The following PKP4 variants were observed in gnomAD, a reference collection of about 807,000 sequenced individuals.
PKP4 encodes the protein plakophilin-4.
Under a neutral mutation model 145.1 loss-of-function variants are expected in PKP4, and 90 were observed. The observed-to-expected ratio is 0.62, with a 90% confidence interval of 0.52 to 0.74. PKP4 has a LOEUF of 0.74. Among genes scored for constraint, PKP4 ranks in the 30% least tolerant of loss-of-function variants. The pLI is 0.00. For synonymous variants in PKP4, 563 were observed against 577.2 expected (o/e 0.98, Z 0.35); for missense variants, 1,340 against 1,482.7 (o/e 0.90, Z 1.58).
intron 2 of PKP4, among the ~76,000 whole-genome samples, chr2:158,569,158 G>A (rs1186983148): frequency 6.6e-6 from 1 of 152,188 alleles, no homozygotes; most frequent in Non-Finnish European, 1.5e-5. Context: ...ACAGATGAGA[G>A]CCTGAGTCTT....
At chr2:158,578,093 C>CT (rs1291046063) in intron 3 of PKP4, 1 of 171,044 alleles carries the variant, frequency 5.8e-6, no homozygotes, top group African/African-American at 2.4e-5. Context: ...GTTTGATCTG[C>CT]TTACACTTAG....
chr2:158,616,984 C>A (rs1363914199), intron 4 of PKP4, among the ~76,000 whole-genome samples: 1 of 152,122 alleles, frequency 6.6e-6, no homozygotes, highest in Non-Finnish European at 1.5e-5. Context: ...ACTTTGTATT[C>A]CATCTTTTAC....
At position 158,666,415 on chromosome 2, in the gene PKP4, T is replaced by C; in HGVS notation, c.2580T>C (p.Phe860=). The C allele has an allele frequency of 1.3e-6, 2 of 1,595,778 alleles. No individual in the cohort carries two copies. Among genetic ancestry groups the C allele is most frequent in the African/African-American group, 1.4e-5 (1 of 73,904 alleles). ...TCCTGCCTTATTTTTCTCACTAGTT[T>C]GCAGCATATATCCGGGCGGCCGTCC... ...LQNLSAGNWK[F]AAYIRAAVRK... The change falls in exon 16 of 22, where the codon TTT becomes TTC. Residue 860 remains phenylalanine, a splice_region_variant and synonymous_variant. Coordinates refer to ENST00000389759, the MANE Select transcript of PKP4 (RefSeq NM_003628.6).
chr2:158,599,701 T>C (rs2050064959), intron 3 of PKP4, among the ~76,000 whole-genome samples: 1 of 152,112 alleles, frequency 6.6e-6, no homozygotes, highest in South Asian at 2.1e-4. Context: ...TTAGGAGCTA[T>C]TGGATATCAA....
chr2:158,609,798 A>G (rs998701796), intron 4 of PKP4, among the ~76,000 whole-genome samples: 2 of 152,168 alleles, frequency 1.3e-5, no homozygotes, highest in Non-Finnish European at 2.9e-5. Context: ...CTCTCATTTC[A>G]TTAGATTCAG....
At chr2:158,573,541 T>C (rs932474603) in intron 2 of PKP4, among the ~76,000 whole-genome samples, 6 of 152,134 alleles carry the variant, frequency 3.9e-5, no homozygotes, top group African/African-American at 1.2e-4. Flanking sequence ...TTGCTGTACC[T>C]TGGTCAGATT....
Position 158,625,073 on chromosome 2 carries a change from C to T in PKP4, c.799C>T (p.Pro267Ser). The T allele has an allele frequency of 6.2e-7, 1 of 1,614,206 alleles. No individual in the cohort carries two copies. The highest frequency in any genetic ancestry group is 8.5e-7 in the Non-Finnish European group (1 of 1,180,032). ...CAGTGCATATTCCTCCACCACATTA[C>T]CTGCTGCACGGGCAGCCTCTCCGTA... ...NPSAYSSTTLPAARAASPYSQ... is the reference protein window; with the variant it reads ...NPSAYSSTTLSAARAASPYSQ... The change falls in exon 7 of 22, where the codon CCT (proline) becomes TCT (serine). Residue 267 changes from proline (P) to serine (S), a missense_variant. Physicochemically the swap from Pro to Ser is moderately conservative, Grantham distance 74. Transcript: ENST00000389759.
intron 11 of PKP4, among the ~76,000 whole-genome samples, chr2:158,653,325 A>G (rs1243035914): frequency 6.6e-6 from 1 of 152,236 alleles, no homozygotes; most frequent in Admixed American, 6.5e-5. Flanking sequence ...TCAGCTTCTA[A>G]TTTGACTATA....
intron 1 of PKP4, among the ~76,000 whole-genome samples, chr2:158,488,707 G>A (rs2105457212): frequency 1.3e-5 from 2 of 152,232 alleles, no homozygotes; most frequent in South Asian, 4.1e-4. Context: ...CATTTCTAAT[G>A]AATAGACTAT....
At chr2:158,592,620 A>G (rs2049372395) in intron 3 of PKP4, among the ~76,000 whole-genome samples, 1 of 152,130 alleles carries the variant, frequency 6.6e-6, no homozygotes, top group African/African-American at 2.4e-5. Flanking sequence ...AAAATTAAAA[A>G]TCTTTACTCT....
chr2:158,556,145 T>C (rs1269563775), intron 2 of PKP4, among the ~76,000 whole-genome samples: 1 of 152,274 alleles, frequency 6.6e-6, no homozygotes, highest in African/African-American at 2.4e-5. Context: ...CTTAAAGATG[T>C]CTGCCTTATT....
intron 2 of PKP4, among the ~76,000 whole-genome samples, chr2:158,572,008 T>A (rs2047447103): frequency 6.6e-6 from 1 of 152,164 alleles, no homozygotes; most frequent in Non-Finnish European, 1.5e-5. Flanking sequence ...TCACCAATTT[T>A]AAGGGCTTAT....
At chr2:158,536,276 C>A (rs990869363) in intron 2 of PKP4, among the ~76,000 whole-genome samples, 3 of 152,178 alleles carry the variant, frequency 2.0e-5, no homozygotes, top group South Asian at 2.1e-4. Context: ...CATAAACATA[C>A]AATTTTATGT....
chr2:158,554,374 C>T lies in PKP4; in HGVS notation c.132+21058C>T, dbSNP rs962920932. On this transcript the variant is annotated intron_variant, in intron 2 of 21. Transcript: ENST00000389759. ...AGACATTATATTCTTAGGCCACAAA[C>T]TCCTGTCCTTCAGTTCACTTTCTTA... 3.3e-5 allele frequency among the ~76,000 whole-genome samples: 5 copies of T among 152,064 alleles called. No homozygotes were observed. In the East Asian group the frequency reaches 7.8e-4, roughly 24 times the overall value.
intron 4 of PKP4, among the ~76,000 whole-genome samples, chr2:158,609,890 A>G (rs1433655461): frequency 1.3e-5 from 2 of 152,190 alleles, no homozygotes; most frequent in African/African-American, 2.4e-5. Context: ...TTTGAAAACA[A>G]AAAGCCCAAG....
At position 158,468,366 on chromosome 2, in the gene PKP4, A is replaced by G. The variant is rs149422811; in HGVS notation, c.-6+11148A>G. Among the ~76,000 whole-genome samples, 1,347 of 152,260 alleles carry G rather than the reference A, an allele frequency of 8.8e-3. 20 individuals are homozygous for G. The highest frequency in any genetic ancestry group is 0.03 in the African/African-American group (1,237 of 41,564). On this transcript the variant is annotated intron_variant, in intron 1 of 21. Transcript: ENST00000389759. ...TACAAATAGTACTTCCCATAAGTTT[A>G]CCTTATTTTTTAGGAAAACCCCATT...
intron 1 of PKP4, among the ~76,000 whole-genome samples, chr2:158,473,698 G>A (rs531583891): frequency 2.6e-5 from 4 of 151,882 alleles, no homozygotes; most frequent in African/African-American, 9.7e-5. Flanking sequence ...GGTAACTCTG[G>A]GGTATTGGAC....
chr2:158,464,288 A>G (rs1409574339), intron 1 of PKP4, among the ~76,000 whole-genome samples: 3 of 152,204 alleles, frequency 2.0e-5, no homozygotes, highest in African/African-American at 7.2e-5. Context: ...ATCTCATAGA[A>G]TAGAGGGACT....
chr2:158,501,324 C>T (rs1696528248), intron 1 of PKP4, among the ~76,000 whole-genome samples: 1 of 152,242 alleles, frequency 6.6e-6, no homozygotes, highest in Non-Finnish European at 1.5e-5. Context: ...CCTTTTTGGC[C>T]TCTCTGGATA....
Sources: allele counts gnomAD v4.1 joint callset (sites outside exome capture counted in the v4.1 genomes callset), GRCh38; gene constraint gnomAD v4.1.1; transcripts MANE v1.5; gene names NCBI Gene and HGNC (gene_info 2026-07-23, HGNC 2026-07-21).